NWD1: variants seen among roughly 807,000 people sequenced by gnomAD.
NWD1 encodes the protein NACHT domain- and WD repeat-containing protein 1.
NWD1 carries 129 observed loss-of-function variants against 135.1 expected under a neutral mutation model. The observed-to-expected ratio is 0.96, with a 90% CI of 0.83 to 1.11. The LOEUF (loss-of-function observed/expected upper bound fraction) is 1.11, where lower values mean the gene tolerates loss of function less well. Ranked by LOEUF, NWD1 falls within the 50% of genes least tolerant of loss-of-function variation. The probability of loss-of-function intolerance (pLI) is 0.00; values close to 1 mark genes in which losing one functional copy is unlikely to be tolerated. For missense variants in NWD1, 1,740 were observed against 1,851.3 expected (o/e 0.94, Z 1.10); for synonymous variants, 773 against 786.0 (o/e 0.98, Z 0.28).
Position 16,744,026 on chromosome 19 carries a change from C to G in NWD1, c.199-395C>G, listed in dbSNP as rs117575909. 6.3e-3 allele frequency among the ~76,000 whole-genome samples: 956 copies of G among 152,040 alleles called. 11 individuals are homozygous for G. The highest frequency in any genetic ancestry group is 9.4e-3 in the Non-Finnish European group (641 of 67,980). On this transcript the variant is annotated intron_variant, in intron 4 of 18. Coordinates refer to ENST00000524140, the MANE Select transcript of NWD1 (RefSeq NM_001007525.5). ...CAAGTGTTTTACATGGCATAAGAAC[C>G]CTCATAAGGAAATAAGGACCCACAA...
chr19:16,728,827 C>T (rs1967434967), intron 2 of NWD1, among the ~76,000 whole-genome samples: 1 of 151,424 alleles, frequency 6.6e-6, no homozygotes, highest in African/African-American at 2.4e-5. Flanking sequence ...GCCTGTAGCC[C>T]CAGCTGCTCG....
At chr19:16,795,911 G>C (rs1324241345) in intron 15 of NWD1, among the ~76,000 whole-genome samples, 2 of 152,098 alleles carry the variant, frequency 1.3e-5, no homozygotes, top group Non-Finnish European at 2.9e-5. Flanking sequence ...CTGGGTACCT[G>C]CATCCAGTGA....
In NWD1 at chr19:16,731,233, C is replaced by A. The variant is rs576962774; in HGVS notation, c.36C>A (p.Thr12=). The A allele has an allele frequency of 6.5e-7, 1 of 1,534,998 alleles. No homozygotes were observed. Among genetic ancestry groups the A allele is most frequent in the Admixed American group, 2.0e-5 (1 of 50,978 alleles). Residue 12 remains threonine (T), a synonymous_variant, in exon 3 of 19, where the codon ACC becomes ACA. Transcript: ENST00000524140. ...QRGKPCRALP[T]LKCQTFCQRH... The stretch of plus-strand genomic sequence containing the variant: ...GGAAGCCCTGCAGAGCACTGCCTAC[C>A]CTGAAGTGCCAGACCTTCTGCCAGA...
intron 18 of NWD1, among the ~76,000 whole-genome samples, chr19:16,810,695 C>T (rs907130372): frequency 4.6e-5 from 7 of 151,496 alleles, no homozygotes; most frequent in African/African-American, 1.5e-4. Flanking sequence ...CCCTGGAGTT[C>T]GAGGCTGTAG....
At chr19:16,809,730 T>C (rs1161683817) in intron 18 of NWD1, among the ~76,000 whole-genome samples, 1 of 151,844 alleles carries the variant, frequency 6.6e-6, no homozygotes, top group African/African-American at 2.4e-5. Flanking sequence ...AATTTTTTTG[T>C]ATTTTTTTGG....
At chr19:16,804,209 C>T (rs968096310) in intron 17 of NWD1, among the ~76,000 whole-genome samples, 1 of 152,062 alleles carries the variant, frequency 6.6e-6, no homozygotes, top group African/African-American at 2.4e-5. Context: ...CATGGGGAGC[C>T]CTGGAAGAGG....
chr19:16,800,323 C>T (rs981791361), intron 17 of NWD1, among the ~76,000 whole-genome samples, 161 bp downstream of exon 17: 3 of 152,208 alleles, frequency 2.0e-5, no homozygotes, highest in Non-Finnish European at 4.4e-5. Flanking sequence ...CACCTGAGGT[C>T]AGGAGTTCAA....
intron 10 of NWD1, among the ~76,000 whole-genome samples, chr19:16,768,090 G>T (rs933406372): frequency 6.9e-6 from 1 of 145,772 alleles, no homozygotes; most frequent in Non-Finnish European, 1.5e-5. Context: ...CTCCTGGGTT[G>T]CTCAAGCAAT....
chr19:16,738,116 T>C (rs1292178658), intron 4 of NWD1: 1 of 365,130 alleles, frequency 2.7e-6, no homozygotes, highest in Non-Finnish European at 5.6e-6. Context: ...GTCCACTTGT[T>C]TACACATTGT....
Position 16,815,117 on chromosome 19 carries a change from T to A in NWD1, c.*78T>A. 1 of 1,413,500 alleles carries A rather than the reference T, an allele frequency of 7.1e-7. No homozygotes were observed. Among genetic ancestry groups the A allele is most frequent in the South Asian group, 1.1e-5 (1 of 87,044 alleles). 87.6% of individuals were successfully genotyped at this position (1,413,500 alleles called of 1,614,324 possible). Reference sequence around the variant, plus strand: ...CTTCATTGCCCCCACCAGGCATGGTTATCTGATCCGAGAGAATTTCCAGTG... The same window carrying A: ...CTTCATTGCCCCCACCAGGCATGGTAATCTGATCCGAGAGAATTTCCAGTG... On this transcript the variant is annotated 3_prime_UTR_variant, in exon 19 of 19. Transcript: ENST00000524140.
At position 16,746,192 on chromosome 19, in the gene NWD1, T is replaced by TA. The variant is rs35612445; in HGVS notation, c.496+1486dup. On this transcript the variant is annotated intron_variant, in intron 5 of 18. Transcript: ENST00000524140. ...AACATGGCAAAACCTCACCTTTATT[T>TA]AAAAAAAAAAAATTAAAATTAGTTG... 2.8e-4 allele frequency among the ~76,000 whole-genome samples: 40 copies of TA among 140,416 alleles called. No homozygotes were observed. In the South Asian group the frequency reaches 3.7e-3, roughly 13 times the overall value. 92.1% of individuals were successfully genotyped at this position (140,416 alleles called of 152,430 possible). A position where few individuals can be genotyped will look rare whatever the true frequency, so the allele number is the denominator to read the frequency against.
At chr19:16,739,416 T>C (rs1454541637) in intron 4 of NWD1, among the ~76,000 whole-genome samples, 1 of 151,784 alleles carries the variant, frequency 6.6e-6, no homozygotes, top group African/African-American at 2.4e-5. Context: ...AGGAATCTGA[T>C]TTTGCAACCC....
At chr19:16,762,555 A>AAAAAAAAC (rs1969063722) in intron 8 of NWD1, among the ~76,000 whole-genome samples, 1 of 151,340 alleles carries the variant, frequency 6.6e-6, no homozygotes, top group African/African-American at 2.5e-5. Flanking sequence ...CTCTGTCTCA[A>AAAAAAAAC]AAACAAACAA....
chr19:16,797,544 C>T (rs1307159039), intron 15 of NWD1, among the ~76,000 whole-genome samples, 188 bp from the exon 16 acceptor site: 1 of 152,016 alleles, frequency 6.6e-6, no homozygotes, highest in Admixed American at 6.6e-5. Flanking sequence ...CATCGGGGTT[C>T]ACCATGTTGG....
At chr19:16,740,642 A>ATTTTT (rs1162769783) in intron 4 of NWD1, among the ~76,000 whole-genome samples, 4 of 112,950 alleles carry the variant, frequency 3.5e-5, no homozygotes, top group Admixed American at 1.9e-4. Context: ...CCAGACTTCT[A>ATTTTT]TTTTTTTTTT....
intron 12 of NWD1, among the ~76,000 whole-genome samples, chr19:16,784,208 GAA>G (rs570732837): frequency 1.6e-5 from 2 of 122,926 alleles, no homozygotes; most frequent in East Asian, 2.3e-4. Flanking sequence ...GTCTTAAAAA[GAA>G]AAAAAAAAAA....
At chr19:16,797,331 T>C (rs1056769461) in intron 15 of NWD1, among the ~76,000 whole-genome samples, 164 of 146,864 alleles carry the variant, frequency 1.1e-3, no homozygotes, top group African/African-American at 3.9e-3. Context: ...AACATCTCTT[T>C]TTTTTTTTTT....
chr19:16,750,825 C>T (rs1968547357), intron 6 of NWD1, among the ~76,000 whole-genome samples: 1 of 152,014 alleles, frequency 6.6e-6, no homozygotes, highest in African/African-American at 2.4e-5. Context: ...TTTTGTTTGT[C>T]AACTATACCT....
At chr19:16,806,802 G>A (rs968911724) in intron 17 of NWD1, among the ~76,000 whole-genome samples, 7 of 151,892 alleles carry the variant, frequency 4.6e-5, no homozygotes, top group Non-Finnish European at 8.8e-5. Context: ...ATCACTTGAG[G>A]TCAGGAGTTC....
Sources: gnomAD v4.1 joint callset for allele counts (sites outside exome capture counted in the v4.1 genomes callset) on GRCh38, gnomAD v4.1.1 for gene constraint, MANE v1.5 for transcripts, NCBI Gene and HGNC (gene_info 2026-07-23, HGNC 2026-07-21) for gene names.